MTUS1: variants seen among roughly 807,000 people sequenced by gnomAD.
MTUS1 encodes microtubule associated scaffold protein 1.
Under a neutral mutation model 120.8 loss-of-function variants are expected in MTUS1, and 109 were observed. That is an observed-to-expected ratio of 0.90 (90% confidence interval 0.77 to 1.06). MTUS1 has a LOEUF of 1.06. Ranked by LOEUF, MTUS1 falls within the 50% of genes least tolerant of loss-of-function variation. MTUS1 has a pLI of 0.00. For synonymous variants in MTUS1, 737 were observed against 550.5 expected (o/e 1.34, Z -4.74); for missense variants, 2,210 against 1,486.3 (o/e 1.49, Z -8.01).
chr8:17,742,524 A>T (rs866927030), intron 3 of MTUS1, among the ~76,000 whole-genome samples: 2 of 151,886 alleles, frequency 1.3e-5, no homozygotes, highest in Non-Finnish European at 2.9e-5. Context: ...TTTCTCCCAG[A>T]TGATGAACAC....
At position 17,754,950 on chromosome 8, in the gene MTUS1, T is replaced by C; in HGVS notation, c.858A>G (p.Glu286=). 1 of 1,614,102 alleles carries C rather than the reference T, an allele frequency of 6.2e-7. No individual in the cohort carries two copies. Among genetic ancestry groups the C allele is most frequent in the Non-Finnish European group, 8.5e-7 (1 of 1,179,974 alleles). Residue 286 remains glutamate, a synonymous_variant, in exon 2 of 15, where the codon GAA becomes GAG. Coordinates refer to ENST00000693296, the MANE Select transcript of MTUS1 (RefSeq NM_001363059.2). ...CTGGTGTTAGTGCTTGTGTCTCCTT[T>C]TCTCCAACTAGTCTTTGTTGTGATC... ...TDGSQQRLVG[E]KETQALTPVS...
chr8:17,701,111 T>G (rs1428715906), intron 6 of MTUS1, among the ~76,000 whole-genome samples: 1 of 152,200 alleles, frequency 6.6e-6, no homozygotes, highest in African/African-American at 2.4e-5. Flanking sequence ...TTAAACCAAG[T>G]GACTTGTGTG....
chr8:17,688,865 C>T (rs879801328), intron 6 of MTUS1, among the ~76,000 whole-genome samples: 1 of 152,076 alleles, frequency 6.6e-6, no homozygotes, highest in Non-Finnish European at 1.5e-5. Flanking sequence ...ATGGCATTTA[C>T]TGAAAATGGA....
At chr8:17,776,627 T>G (rs2050454210) in intron 1 of MTUS1, among the ~76,000 whole-genome samples, 1 of 122,662 alleles carries the variant, frequency 8.2e-6, no homozygotes, top group South Asian at 2.6e-4. Context: ...TGTAGTGAGG[T>G]GAGACTGCAC....
intron 6 of MTUS1, among the ~76,000 whole-genome samples, chr8:17,709,983 G>A (rs1015436044): frequency 1.3e-5 from 2 of 151,176 alleles, no homozygotes; most frequent in Non-Finnish European, 3.0e-5. Context: ...CTCCAGCCTG[G>A]GCGACAGAGC....
At chr8:17,661,706 G>A (rs1003434483) in intron 8 of MTUS1, among the ~76,000 whole-genome samples, 1 of 151,640 alleles carries the variant, frequency 6.6e-6, no homozygotes, top group Non-Finnish European at 1.5e-5. Context: ...CACATGGGAA[G>A]AAACGGGAAA....
intron 1 of MTUS1, among the ~76,000 whole-genome samples, chr8:17,759,767 C>A (rs183409131): frequency 4.0e-5 from 6 of 151,164 alleles, no homozygotes; most frequent in South Asian, 4.2e-4. Context: ...ACATTTTTAA[C>A]GGTTGTGAAA....
intron 6 of MTUS1, chr8:17,697,237 G>C (rs761380384): frequency 1.0e-5 from 16 of 1,595,468 alleles, no homozygotes; most frequent in Non-Finnish European, 1.4e-5. Context: ...ACACTAAACA[G>C]AGATCTATGC....
At chr8:17,780,569 T>C (rs1293980662) in intron 1 of MTUS1, among the ~76,000 whole-genome samples, 1 of 152,158 alleles carries the variant, frequency 6.6e-6, no homozygotes, top group Non-Finnish European at 1.5e-5. Context: ...ATCTGCCTCT[T>C]TCCCTCTCTC....
At chr8:17,709,611 A>G (rs1412781188) in intron 6 of MTUS1, among the ~76,000 whole-genome samples, 1 of 152,126 alleles carries the variant, frequency 6.6e-6, no homozygotes, top group Non-Finnish European at 1.5e-5. Flanking sequence ...CACATGACAT[A>G]ATAAGGCAAA....
At chr8:17,653,741 A>G in intron 10 of MTUS1, 1 of 435,418 alleles carries the variant, frequency 2.3e-6, no homozygotes, top group East Asian at 4.3e-5. Flanking sequence ...ACCATGGCCC[A>G]CAGAGGCCAT....
chr8:17,675,144 C>T (rs1304936845), intron 8 of MTUS1, 42 bp downstream of exon 8: 3 of 1,611,214 alleles, frequency 1.9e-6, no homozygotes, highest in Non-Finnish European at 1.7e-6. Flanking sequence ...CAGTGTTCCC[C>T]TTGTCCCATA....
At chr8:17,658,042 C>CACACACACACAT (rs1808841252) in intron 8 of MTUS1, among the ~76,000 whole-genome samples, 1 of 150,954 alleles carries the variant, frequency 6.6e-6, no homozygotes, top group Non-Finnish European at 1.5e-5. Flanking sequence ...CACACACACA[C>CACACACACACAT]ACACACACAC....
intron 1 of MTUS1, among the ~76,000 whole-genome samples, chr8:17,799,537 A>G (rs1477740043): frequency 6.6e-6 from 1 of 152,192 alleles, no homozygotes; most frequent in Admixed American, 6.5e-5. Flanking sequence ...TTACTTTTGA[A>G]ATCAAAACAA....
At chr8:17,723,132 A>G (rs1585961283) in intron 4 of MTUS1, 1 of 162,586 alleles carries the variant, frequency 6.2e-6, no homozygotes, top group African/African-American at 2.4e-5. Flanking sequence ...GAAATGAGAA[A>G]ATAAGAACCA....
rs573992512 is a variant in MTUS1, at chr8:17,699,432, C to T, written c.2623+13782G>A. Among the ~76,000 whole-genome samples the T allele has an allele frequency of 4.6e-5, 7 of 152,212 alleles. No homozygotes were observed. In the East Asian group the frequency reaches 1.4e-3, roughly 29 times the overall value. ...TTTTCACCATGTTGGCCAGGCTCGT[C>T]TCGAACTCCTGACCTCAGGTGATCC... is the stretch of plus-strand genomic sequence containing the variant. On this transcript the variant is annotated intron_variant, in intron 6 of 14. Transcript: ENST00000693296.
In MTUS1 at chr8:17,711,047, C is replaced by T. The variant is rs192242791; in HGVS notation, c.2623+2167G>A. On this transcript the variant is annotated intron_variant, in intron 6 of 14. Coordinates refer to ENST00000693296, the MANE Select transcript of MTUS1 (RefSeq NM_001363059.2). ...CAGCAAACCATACTGTAAACAAATACGCTGTCATCCAGGCTTTGTTGTTTC... is the reference window on the plus strand; with the variant it reads ...CAGCAAACCATACTGTAAACAAATATGCTGTCATCCAGGCTTTGTTGTTTC... 7.3e-3 allele frequency among the ~76,000 whole-genome samples: 1,119 copies of T among 152,256 alleles called. 3 individuals are homozygous for T. Among genetic ancestry groups the T allele is most frequent in the Non-Finnish European group, 0.011 (744 of 68,016 alleles).
intron 2 of MTUS1, among the ~76,000 whole-genome samples, chr8:17,744,881 C>G (rs1019197977): frequency 1.3e-5 from 2 of 151,966 alleles, no homozygotes; most frequent in Middle Eastern, 3.2e-3. Context: ...TTGAATCCAC[C>G]TATGATCTGT....
chr8:17,652,162 C>A (rs1280974892), intron 12 of MTUS1, among the ~76,000 whole-genome samples: 2 of 152,062 alleles, frequency 1.3e-5, no homozygotes, highest in East Asian at 1.9e-4. Context: ...GCAGAAGCAG[C>A]AAGGAAACAA....
Sources: allele counts gnomAD v4.1 joint callset (sites outside exome capture counted in the v4.1 genomes callset), GRCh38; gene constraint gnomAD v4.1.1; transcripts MANE v1.5; gene names NCBI Gene and HGNC (gene_info 2026-07-23, HGNC 2026-07-21).